FMN2: variants seen among roughly 807,000 people sequenced by gnomAD.
The protein encoded by FMN2 is formin 2, also known as formin-2.
A neutral mutation model predicts 142.3 loss-of-function variants in FMN2; 51 were observed. That is an observed-to-expected ratio of 0.36 (90% confidence interval 0.29 to 0.45). FMN2 has a LOEUF of 0.45. FMN2 is among the 20% of genes least tolerant of loss of function. FMN2 has a pLI of 1.00. For synonymous variants in FMN2, 882 were observed against 869.8 expected (o/e 1.01, Z -0.25); for missense variants, 1,936 against 2,122.8 (o/e 0.91, Z 1.73).
intron 13 of FMN2, chr1:240,341,252 T>A (rs1671731825): frequency 6.6e-6 from 1 of 152,346 alleles, no homozygotes; most frequent in South Asian, 2.1e-4. Context: ...TCCTTTTATG[T>A]CATTGATATT....
intron 6 of FMN2, among the ~76,000 whole-genome samples, chr1:240,230,803 A>G (rs1667505619): frequency 7.6e-6 from 1 of 131,772 alleles, no homozygotes; most frequent in Non-Finnish European, 1.6e-5. Context: ...CATAATTAGG[A>G]TGGAATTTTG....
intron 16 of FMN2, among the ~76,000 whole-genome samples, chr1:240,443,867 G>A (rs1213690112): frequency 2.0e-5 from 3 of 152,150 alleles, no homozygotes; most frequent in African/African-American, 7.2e-5. Context: ...GTTGTAGTGG[G>A]TAAGGAAATA....
At position 240,092,255 on chromosome 1, in the gene FMN2, G is replaced by A. The variant is rs761935772; in HGVS notation, c.146G>A (p.Gly49Asp). Residue 49 changes from glycine (G) to aspartate (D), a missense_variant, in exon 1 of 18, where the codon GGC (glycine) becomes GAC (aspartate). Gly to Asp is a moderately conservative substitution (Grantham distance 94). This residue lies in a region of FMN2 where 751 missense variants were observed against 791.8 expected (regional missense o/e 0.95). Transcript: ENST00000319653. ...GGCAAGAAGGCGCTAGGCAAGCACG[G>A]CAAGGGGGGAGGGGGCGGCGGCGGC... Reference protein sequence around the residue: ...SGGKKALGKHGKGGGGGGGGG... With the variant: ...SGGKKALGKHDKGGGGGGGGG... The A allele has an allele frequency of 2.3e-6, 3 of 1,292,402 alleles. No homozygotes were observed. Among genetic ancestry groups the A allele is most frequent in the Middle Eastern group, 4.2e-4 (2 of 4,794 alleles). 80.1% of individuals were successfully genotyped at this position (1,292,402 alleles called of 1,614,324 possible).
Position 240,258,029 on chromosome 1 carries a change from C to T in FMN2, c.4150C>T (p.His1384Tyr), listed in dbSNP as rs1280764855. The change falls in exon 7 of 18, where the codon CAT (histidine) becomes TAT (tyrosine). Residue 1384 changes from histidine (H) to tyrosine (Y), a missense_variant. Physicochemically the swap from His to Tyr is moderately conservative, Grantham distance 83. Transcript: ENST00000319653. Reference sequence around the variant, plus strand: ...TCATTTAGATATGAAAGACATACAACATGGTAAGTGTCAAAATGAAAATTT... The same window carrying T: ...TCATTTAGATATGAAAGACATACAATATGGTAAGTGTCAAAATGAAAATTT... ...SLHLDMKDIQHAVVNLDNSVV... is the reference protein window; with the variant it reads ...SLHLDMKDIQYAVVNLDNSVV... The T allele has an allele frequency of 1.2e-6, 2 of 1,605,982 alleles. No homozygotes were observed. Among genetic ancestry groups the T allele is most frequent in the Non-Finnish European group, 1.7e-6 (2 of 1,176,436 alleles).
At chr1:240,245,643 A>G (rs1668055213) in intron 6 of FMN2, 8 of 469,534 alleles carry the variant, frequency 1.7e-5, no homozygotes, top group Admixed American at 1.4e-4. Flanking sequence ...TAGTAGGGGT[A>G]TTAGTTAAAA....
At chr1:240,105,054 AGGT>A (rs1301087147) in intron 1 of FMN2, among the ~76,000 whole-genome samples, 1 of 147,562 alleles carries the variant, frequency 6.8e-6, no homozygotes, top group Non-Finnish European at 1.5e-5. Context: ...TTATTTGAGT[AGGT>A]ACTGTCAGAT....
chr1:240,163,352 C>A (rs988539584), intron 2 of FMN2, among the ~76,000 whole-genome samples: 4 of 152,146 alleles, frequency 2.6e-5, no homozygotes, highest in Admixed American at 1.3e-4. Context: ...TAGAGCTCTG[C>A]CAATTTTTGC....
chr1:240,208,860 A>C, intron 5 of FMN2, 128 bp downstream of exon 5: 1 of 1,209,556 alleles, frequency 8.3e-7, no homozygotes, highest in Non-Finnish European at 1.1e-6. Flanking sequence ...CTAGATTTTT[A>C]CATCAATATA....
At chr1:240,296,531 G>C (rs1222764742) in intron 8 of FMN2, among the ~76,000 whole-genome samples, 1 of 139,410 alleles carries the variant, frequency 7.2e-6, no homozygotes, top group East Asian at 2.2e-4. Flanking sequence ...CATGGCCTTA[G>C]TTGGTCCTTA....
intron 7 of FMN2, among the ~76,000 whole-genome samples, chr1:240,275,439 A>G (rs910909356): frequency 1.3e-5 from 2 of 151,834 alleles, no homozygotes; most frequent in South Asian, 4.2e-4. Context: ...TTATGGCTGC[A>G]TAGTATTCCA....
At chr1:240,238,848 C>T (rs192771527) in intron 6 of FMN2, among the ~76,000 whole-genome samples, 9 of 152,090 alleles carry the variant, frequency 5.9e-5, no homozygotes, top group Non-Finnish European at 8.8e-5. Flanking sequence ...CTGTTATACT[C>T]AACAACAATA....
chr1:240,440,194 C>T (rs1276049236), intron 16 of FMN2, among the ~76,000 whole-genome samples: 1 of 152,166 alleles, frequency 6.6e-6, no homozygotes, highest in African/African-American at 2.4e-5. Flanking sequence ...GACACCCTCC[C>T]TGTCGCTTTC....
chr1:240,319,353 C>A (rs569513782), intron 8 of FMN2, among the ~76,000 whole-genome samples: 2 of 152,240 alleles, frequency 1.3e-5, no homozygotes, highest in South Asian at 4.1e-4. Flanking sequence ...GTTTGGCCAG[C>A]CCAATATTTC....
intron 2 of FMN2, among the ~76,000 whole-genome samples, chr1:240,145,547 T>A (rs1352256241): frequency 7.7e-6 from 1 of 129,288 alleles, no homozygotes; most frequent in Non-Finnish European, 1.6e-5. Context: ...TTTTTTTTTT[T>A]TTTTTTTTTT....
chr1:240,196,290 A>T (rs139024570), intron 4 of FMN2, among the ~76,000 whole-genome samples: 62 of 152,304 alleles, frequency 4.1e-4, no homozygotes, highest in African/African-American at 1.4e-3. Context: ...TAATTCCATT[A>T]CTTCTCAGCT....
chr1:240,292,189 G>T (rs1669817142), intron 7 of FMN2, among the ~76,000 whole-genome samples: 2 of 152,080 alleles, frequency 1.3e-5, no homozygotes, highest in Non-Finnish European at 2.9e-5. Flanking sequence ...TCAATACTCA[G>T]GTTCTTTCCT....
chr1:240,264,870 T>C (rs1668747620), intron 7 of FMN2, among the ~76,000 whole-genome samples: 1 of 152,146 alleles, frequency 6.6e-6, no homozygotes, highest in African/African-American at 2.4e-5. Flanking sequence ...TCCGCCTCCT[T>C]CCCTCTGATA....
intron 6 of FMN2, among the ~76,000 whole-genome samples, chr1:240,250,792 A>G (rs1303139054): frequency 6.6e-6 from 1 of 151,976 alleles, no homozygotes. Context: ...CAGGTTTGCT[A>G]TTTCTTCCTG....
At chr1:240,214,786 C>T (rs995059756) in intron 6 of FMN2, among the ~76,000 whole-genome samples, 1 of 152,114 alleles carries the variant, frequency 6.6e-6, no homozygotes, top group African/African-American at 2.4e-5. Context: ...GTTTAACCCA[C>T]TGGGTATGGT....
Sources: allele counts gnomAD v4.1 joint callset (sites outside exome capture counted in the v4.1 genomes callset), GRCh38; gene constraint gnomAD v4.1.1; regional missense constraint gnomAD v4.1.1; transcripts MANE v1.5; gene names NCBI Gene and HGNC (gene_info 2026-07-23, HGNC 2026-07-21).